Variants in TACC2 observed in about 807,000 individuals in gnomAD.
TACC2 encodes the protein transforming acidic coiled-coil-containing protein 2.
TACC2 carries 137 observed loss-of-function variants against 227.3 expected under a neutral mutation model. The observed-to-expected ratio is 0.60, with a 90% CI of 0.52 to 0.69. The LOEUF (loss-of-function observed/expected upper bound fraction) is 0.69, where lower values mean the gene tolerates loss of function less well. Ranked by LOEUF, TACC2 falls within the 30% of genes least tolerant of loss-of-function variation. TACC2 has a pLI of 0.00. For synonymous variants in TACC2, 1,523 were observed against 1,487.5 expected, an observed-to-expected ratio of 1.02 and a Z score of -0.55; for missense variants, 3,470 against 3,694.4, an observed-to-expected ratio of 0.94 and a Z score of 1.57.
intron 5 of TACC2, chr10:122,088,812 G>A: frequency 5.6e-6 from 8 of 1,431,908 alleles, no homozygotes; most frequent in Non-Finnish European, 7.5e-6. Context: ...TCATACTTGA[G>A]TTTATTACCT....
At chr10:122,169,283 T>A (rs1449319262) in intron 7 of TACC2, among the ~76,000 whole-genome samples, 1 of 152,232 alleles carries the variant, frequency 6.6e-6, no homozygotes, top group East Asian at 1.9e-4. Flanking sequence ...CAGAAACTCT[T>A]GTGTACCATG....
Position 122,216,738 on chromosome 10 carries a change from G to A in TACC2, c.7456G>A (p.Val2486Met), listed in dbSNP as rs766476440. 1 of 1,614,036 alleles carries A rather than the reference G, an allele frequency of 6.2e-7. No individual in the cohort carries two copies. The highest frequency in any genetic ancestry group is 1.3e-5 in the African/African-American group (1 of 74,904). Residue 2486 changes from valine to methionine, a missense_variant, in exon 11 of 23, where the codon GTG becomes ATG. Val to Met is a conservative substitution (Grantham distance 21, BLOSUM62 1). This residue lies in a region of TACC2 where 345 missense variants were observed against 354.4 expected (regional missense o/e 0.97). Coordinates refer to ENST00000369005, the MANE Select transcript of TACC2 (RefSeq NM_206862.4). Reference sequence around the variant, plus strand: ...CAACCAGAAGTGGACGTGCATGACAGTGGACCTAGAGGCTGACAAACAGGA... The same window carrying A: ...CAACCAGAAGTGGACGTGCATGACAATGGACCTAGAGGCTGACAAACAGGA... ...VTNQKWTCMT[V>M]DLEADKQDYP...
chr10:122,059,196 G>C (rs536872153), intron 3 of TACC2, among the ~76,000 whole-genome samples: 1 of 152,064 alleles, frequency 6.6e-6, no homozygotes, highest in South Asian at 2.1e-4. Flanking sequence ...GATTATAGGC[G>C]TGAGCCACCA....
At position 122,083,236 on chromosome 10, in the gene TACC2, G is replaced by A; in HGVS notation, c.736G>A (p.Val246Met). ...AGAGTCCAGGCAGGGGGTGGCTTCT[G>A]TGCAAGTGACCCCTGAGGCCCCTGC... Reference protein sequence around the residue: ...PAESRQGVASVQVTPEAPAAA... With the variant: ...PAESRQGVASMQVTPEAPAAA... Residue 246 changes from valine to methionine, a missense_variant, in exon 4 of 23, where the codon GTG (valine) becomes ATG (methionine). Val to Met is a conservative substitution (Grantham distance 21, BLOSUM62 1). Transcript: ENST00000369005. The A allele has an allele frequency of 6.2e-7, 1 of 1,613,500 alleles. No homozygotes were observed. Among genetic ancestry groups the A allele is most frequent in the Non-Finnish European group, 8.5e-7 (1 of 1,179,988 alleles).
At chr10:122,212,024 T>C (rs2095305982) in intron 9 of TACC2, among the ~76,000 whole-genome samples, 2 of 152,238 alleles carry the variant, frequency 1.3e-5, no homozygotes, top group African/African-American at 2.4e-5. Flanking sequence ...GGAGATCCCA[T>C]GGAAGGGGAA....
intron 7 of TACC2, among the ~76,000 whole-genome samples, chr10:122,172,605 C>G (rs535683808): frequency 6.6e-6 from 1 of 152,334 alleles, no homozygotes; most frequent in South Asian, 2.1e-4. Flanking sequence ...ATTAACTTTA[C>G]TTTAGGGAAA....
rs924906722 is a variant in TACC2, at chr10:122,050,807, C to G, written c.146+257C>G. The G allele has an allele frequency of 3.8e-5, 18 of 468,722 alleles. No individual in the cohort carries two copies. Among genetic ancestry groups the G allele is most frequent in the Non-Finnish European group, 6.4e-5 (17 of 264,088 alleles). 29.0% of individuals were successfully genotyped at this position (468,722 alleles called of 1,614,324 possible). A position where few individuals can be genotyped will look rare whatever the true frequency, so the allele number is the denominator to read the frequency against. ...TATAGACTTCCATTCCAGCCACACTCCAGAGTATCTTCATTGTCAGAACTT... is the reference window on the plus strand; with the variant it reads ...TATAGACTTCCATTCCAGCCACACTGCAGAGTATCTTCATTGTCAGAACTT... On this transcript the variant is annotated intron_variant, in intron 3 of 22. Coordinates refer to ENST00000369005, the MANE Select transcript of TACC2 (RefSeq NM_206862.4). The surrounding 1 kb of genome is among the most constrained non-coding windows in gnomAD (Gnocchi z 4.6).
At chr10:122,230,570 G>A in intron 16 of TACC2, 130 bp downstream of exon 16, 2 of 775,700 alleles carry the variant, frequency 2.6e-6, no homozygotes, top group Non-Finnish European at 4.3e-6. Context: ...TTTCCAAAAA[G>A]CTGAAAGCGT....
At chr10:121,997,263 T>G (rs966273460) in intron 1 of TACC2, among the ~76,000 whole-genome samples, 1 of 152,180 alleles carries the variant, frequency 6.6e-6, no homozygotes, top group East Asian at 1.9e-4. Flanking sequence ...TTCTCACTCC[T>G]GCTTCTCAGC....
At chr10:122,009,086 C>T (rs1335156764) in intron 1 of TACC2, among the ~76,000 whole-genome samples, 2 of 152,300 alleles carry the variant, frequency 1.3e-5, no homozygotes, top group Middle Eastern at 3.4e-3. Flanking sequence ...TCTCTACAAA[C>T]ACTTGTGGTA....
At chr10:122,088,411 T>C (rs938944734) in intron 4 of TACC2, 67 bp from the exon 5 acceptor site, 13 of 1,385,372 alleles carry the variant, frequency 9.4e-6, no homozygotes, top group Non-Finnish European at 1.3e-5. Context: ...GCTTTTTCAA[T>C]AGGACATGAG....
intron 6 of TACC2, among the ~76,000 whole-genome samples, chr10:122,138,234 G>T (rs2090008648): frequency 6.6e-6 from 1 of 152,178 alleles, no homozygotes; most frequent in African/African-American, 2.4e-5. Context: ...GATAGGTTGG[G>T]TGCGGTGGCT....
At chr10:122,233,739 T>C (rs553495826) in intron 16 of TACC2, among the ~76,000 whole-genome samples, 11 of 151,962 alleles carry the variant, frequency 7.2e-5, no homozygotes, top group African/African-American at 2.7e-4. Flanking sequence ...CGCCTGTGTA[T>C]TTGGCCGTTT....
chr10:122,178,308 T>C (rs188148181), intron 7 of TACC2, among the ~76,000 whole-genome samples: 5 of 151,508 alleles, frequency 3.3e-5, no homozygotes, highest in African/African-American at 9.7e-5. Context: ...GTGATCTTTG[T>C]TCACTGCAAC....
chr10:122,005,162 A>G (rs1590935116), intron 1 of TACC2, among the ~76,000 whole-genome samples: 1 of 150,562 alleles, frequency 6.6e-6, no homozygotes. Context: ...GCTCACTGCA[A>G]CCTCTGCCTC....
chr10:122,244,727 A>G (rs2096072821), intron 19 of TACC2, among the ~76,000 whole-genome samples: 2 of 152,028 alleles, frequency 1.3e-5, no homozygotes, highest in African/African-American at 4.8e-5. Context: ...GCAGTTCAGG[A>G]CCACCGTGAC....
At chr10:122,174,021 C>T (rs2093597662) in intron 7 of TACC2, among the ~76,000 whole-genome samples, 1 of 152,208 alleles carries the variant, frequency 6.6e-6, no homozygotes, top group Admixed American at 6.5e-5. Context: ...TGCCCGCCTC[C>T]TCTCTCCCTT....
chr10:122,224,597 G>A (rs2095586741), intron 11 of TACC2, 129 bp from the exon 12 acceptor site: 3 of 748,002 alleles, frequency 4.0e-6, no homozygotes, highest in South Asian at 1.6e-5. Context: ...TAGACAGTGG[G>A]CACCGTCAGA....
chr10:122,054,532 C>T lies in TACC2; in HGVS notation c.146+3982C>T, dbSNP rs1194692539. On this transcript the variant is annotated intron_variant, in intron 3 of 22. Transcript: ENST00000369005. ...GACACAACTGATTTTATCTTACAAC[C>T]TTTTGCCAGATAATGGAGCTATTAA... is the stretch of plus-strand genomic sequence containing the variant. 1.3e-5 allele frequency among the ~76,000 whole-genome samples: 2 copies of T among 152,302 alleles called. 1 individual carries two copies. The highest frequency in any genetic ancestry group is 4.1e-4 in the South Asian group (2 of 4,830).
Sources: gnomAD v4.1 joint callset for allele counts (sites outside exome capture counted in the v4.1 genomes callset) on GRCh38, gnomAD v4.1.1 for gene constraint, gnomAD v4.1.1 regional missense constraint, Gnocchi (gnomAD v3.1) non-coding constraint, MANE v1.5 for transcripts, NCBI Gene and HGNC (gene_info 2026-07-23, HGNC 2026-07-21) for gene names.